Variants in TBCK observed in about 807,000 individuals in gnomAD.
TBCK encodes TBC1 domain containing kinase.
In TBCK, 99 loss-of-function variants were observed where a neutral mutation model predicts 113.4. The observed-to-expected ratio is 0.87, with a 90% CI of 0.74 to 1.03. The LOEUF (loss-of-function observed/expected upper bound fraction) is 1.03, where lower values mean the gene tolerates loss of function less well. Ranked by LOEUF, TBCK falls within the 50% of genes least tolerant of loss-of-function variation. TBCK has a pLI of 0.00. For synonymous variants in TBCK, 369 were observed against 370.8 expected, an observed-to-expected ratio of 1.00 and a Z score of 0.05; for missense variants, 1,045 against 1,061.3, an observed-to-expected ratio of 0.98 and a Z score of 0.21.
intron 22 of TBCK, among the ~76,000 whole-genome samples, chr4:106,192,797 G>A: frequency 6.6e-6 from 1 of 151,858 alleles, no homozygotes; most frequent in South Asian, 2.1e-4. Context: ...TTTTTATTTG[G>A]TTTTCAGGCA....
chr4:106,273,668 A>T (rs988327069), intron 3 of TBCK, among the ~76,000 whole-genome samples: 3 of 152,244 alleles, frequency 2.0e-5, no homozygotes, highest in Non-Finnish European at 2.9e-5. Flanking sequence ...AAAGAAGGTG[A>T]TGTGAAGACA....
chr4:106,082,478 C>T (rs1447009389), intron 25 of TBCK, among the ~76,000 whole-genome samples: 1 of 151,932 alleles, frequency 6.6e-6, no homozygotes, highest in Non-Finnish European at 1.5e-5. Flanking sequence ...TTAGGGCTAC[C>T]TGTCAGGTAC....
chr4:106,167,615 A>G (rs1302798521), intron 23 of TBCK, among the ~76,000 whole-genome samples: 1 of 151,694 alleles, frequency 6.6e-6, no homozygotes, highest in East Asian at 1.9e-4. Context: ...AATAAAATCA[A>G]TAAGCCTTTA....
intron 19 of TBCK, chr4:106,213,719 C>CA (rs1553962314): frequency 6.4e-6 from 1 of 155,460 alleles, no homozygotes; most frequent in Admixed American, 6.5e-5. Flanking sequence ...GAGGGTCCTA[C>CA]CCCACGGAGT....
At chr4:106,162,257 G>A (rs1366759732) in intron 23 of TBCK, among the ~76,000 whole-genome samples, 1 of 152,200 alleles carries the variant, frequency 6.6e-6, no homozygotes, top group African/African-American at 2.4e-5. Context: ...TCATGCTGAT[G>A]CAAGAGATGG....
intron 3 of TBCK, among the ~76,000 whole-genome samples, chr4:106,289,297 A>G (rs1177980006): frequency 6.6e-6 from 1 of 152,208 alleles, no homozygotes; most frequent in Non-Finnish European, 1.5e-5. Flanking sequence ...TATAACTAGG[A>G]CTGGAATTGC....
At chr4:106,291,818 C>A (rs1765742724) in intron 3 of TBCK, among the ~76,000 whole-genome samples, 1 of 152,192 alleles carries the variant, frequency 6.6e-6, no homozygotes, top group Admixed American at 6.5e-5. Flanking sequence ...TCGACTAGCA[C>A]CATAACTAGA....
chr4:106,224,175 G>C (rs190668197), intron 19 of TBCK, among the ~76,000 whole-genome samples: 4 of 151,814 alleles, frequency 2.6e-5, no homozygotes, highest in East Asian at 3.9e-4. Flanking sequence ...AAAAAAACAG[G>C]GTATCTTGAT....
At chr4:106,153,458 G>A (rs564385858) in intron 23 of TBCK, among the ~76,000 whole-genome samples, 1 of 152,126 alleles carries the variant, frequency 6.6e-6, no homozygotes, top group South Asian at 2.1e-4. Flanking sequence ...GATTTGCTTT[G>A]TCTTAAACAT....
chr4:106,056,528 A>T (rs1344336572), intron 25 of TBCK, among the ~76,000 whole-genome samples: 1 of 151,480 alleles, frequency 6.6e-6, no homozygotes, highest in African/African-American at 2.4e-5. Context: ...ATTAGTTACA[A>T]AGCTGTGTCA....
chr4:106,078,272 GA>G (rs1414742302), intron 25 of TBCK, among the ~76,000 whole-genome samples: 3 of 151,978 alleles, frequency 2.0e-5, no homozygotes, highest in Non-Finnish European at 4.4e-5. Context: ...CAGAAGAAAA[GA>G]AATAACCAAA....
At chr4:106,182,791 A>C (rs1429465553) in intron 22 of TBCK, among the ~76,000 whole-genome samples, 1 of 152,092 alleles carries the variant, frequency 6.6e-6, no homozygotes, top group Non-Finnish European at 1.5e-5. Flanking sequence ...GCATATTATG[A>C]AGCACTCTCT....
At chr4:106,096,715 A>C (rs1740953537) in intron 24 of TBCK, among the ~76,000 whole-genome samples, 1 of 152,210 alleles carries the variant, frequency 6.6e-6, no homozygotes, top group South Asian at 2.1e-4. Context: ...TGGTGGATAT[A>C]TGATGCAGGC....
chr4:106,305,609 G>C (rs921764837), intron 2 of TBCK, among the ~76,000 whole-genome samples: 3 of 152,112 alleles, frequency 2.0e-5, no homozygotes, highest in Admixed American at 6.5e-5. Flanking sequence ...GTGTGAACCA[G>C]AGCAACTCCA....
chr4:106,085,155 T>C (rs1257353544), intron 25 of TBCK, among the ~76,000 whole-genome samples: 2 of 152,010 alleles, frequency 1.3e-5, no homozygotes, highest in African/African-American at 2.4e-5. Context: ...GACTGGCAAA[T>C]TGGATAAGGA....
At chr4:106,206,531 C>A (rs1318252461) in intron 20 of TBCK, among the ~76,000 whole-genome samples, 2 of 152,256 alleles carry the variant, frequency 1.3e-5, no homozygotes, top group East Asian at 3.9e-4. Context: ...GAGGACACAT[C>A]ACAGGACTCT....
intron 19 of TBCK, among the ~76,000 whole-genome samples, chr4:106,220,977 A>C (rs1757612499): frequency 6.6e-6 from 1 of 152,212 alleles, no homozygotes. Context: ...TTCATTTTAA[A>C]ACAGAAATTC....
chr4:106,272,144 A>G (rs1429963066), intron 3 of TBCK, among the ~76,000 whole-genome samples: 1 of 152,192 alleles, frequency 6.6e-6, no homozygotes, highest in Non-Finnish European at 1.5e-5. Context: ...TAAACAGAAC[A>G]AAGTTTAAAC....
At chr4:106,099,396 G>T (rs192321106) in intron 24 of TBCK, among the ~76,000 whole-genome samples, 1 of 151,970 alleles carries the variant, frequency 6.6e-6, no homozygotes, top group East Asian at 1.9e-4. Context: ...ACCTACCTTT[G>T]TTTTTTGGCT....
Sources: gnomAD v4.1 joint callset for allele counts (sites outside exome capture counted in the v4.1 genomes callset) on GRCh38, gnomAD v4.1.1 for gene constraint, MANE v1.5 for transcripts, NCBI Gene and HGNC (gene_info 2026-07-23, HGNC 2026-07-21) for gene names.